Variants in PTPRN2 observed in about 807,000 individuals in gnomAD.
PTPRN2 encodes the protein protein tyrosine phosphatase receptor type N2.
PTPRN2 carries 74 observed loss-of-function variants against 118.8 expected under a neutral mutation model. The observed-to-expected ratio is 0.62, with a 90% CI of 0.52 to 0.76. PTPRN2 has a LOEUF of 0.76. Ranked by LOEUF, PTPRN2 falls within the 30% of genes least tolerant of loss-of-function variation. PTPRN2 has a pLI of 0.00. For missense variants in PTPRN2, 1,481 were observed against 1,394.4 expected, an observed-to-expected ratio of 1.06 and a Z score of -0.99; for synonymous variants, 641 against 608.0, an observed-to-expected ratio of 1.05 and a Z score of -0.80.
rs1353648116 is a variant in PTPRN2, at chr7:157,986,015, ATC to A, written c.1724-87280_1724-87279del. The stretch of plus-strand genomic sequence containing the variant: ...AATGCTTGGGGTTGAAATGTAACGA[ATC>A]TCTCACTACTGACAAGAGAAAGGCC... On this transcript the variant is annotated intron_variant, in intron 11 of 22. Transcript: ENST00000389418. The surrounding 1 kb of genome is among the most constrained non-coding windows in gnomAD (Gnocchi z 4.5). Among the ~76,000 whole-genome samples the A allele has an allele frequency of 8.5e-5, 13 of 152,226 alleles. 1 individual carries two copies. Among genetic ancestry groups the A allele is most frequent in the African/African-American group, 2.9e-4 (12 of 41,466 alleles).
Position 158,080,899 on chromosome 7 carries a change from A to G in PTPRN2, c.1723+399T>C, listed in dbSNP as rs182378773. On this transcript the variant is annotated intron_variant, in intron 11 of 22. Transcript: ENST00000389418. ...GTGTGTGCTCCTGGTCTGGTACAAA[A>G]TGAAAAACCTCAAAGCAAAATTGCA... Among the ~76,000 whole-genome samples, 1,212 of 152,276 alleles carry G rather than the reference A, an allele frequency of 8.0e-3. 42 individuals carry two copies. The highest frequency in any genetic ancestry group is 0.054 in the Admixed American group (832 of 15,300).
chr7:157,997,679 G>A (rs966191195), intron 11 of PTPRN2, among the ~76,000 whole-genome samples: 1 of 151,508 alleles, frequency 6.6e-6, no homozygotes, highest in Non-Finnish European at 1.5e-5. Flanking sequence ...GGAGGCCAGG[G>A]AGGGGCAGAG....
At chr7:158,578,128 C>T (rs1383729439) in intron 1 of PTPRN2, among the ~76,000 whole-genome samples, 2 of 152,198 alleles carry the variant, frequency 1.3e-5, no homozygotes, top group African/African-American at 2.4e-5. Flanking sequence ...TACTAAAAAA[C>T]GTGCTCTGAA....
In PTPRN2 at chr7:158,164,115, C is replaced by T. The variant is rs148860657; in HGVS notation, c.910+2816G>A. Among the ~76,000 whole-genome samples, 17 of 152,252 alleles carry T rather than the reference C, an allele frequency of 1.1e-4. No individual in the cohort carries two copies. In the East Asian group the frequency reaches 2.9e-3, roughly 26 times the overall value. On this transcript the variant is annotated intron_variant, in intron 6 of 22. Transcript: ENST00000389418. ...GAGAGTGGAGAGAGCACGGTCAGGACGCTTGTTCCGAAGATCCACACCCTG... is the reference window on the plus strand; with the variant it reads ...GAGAGTGGAGAGAGCACGGTCAGGATGCTTGTTCCGAAGATCCACACCCTG...
chr7:158,289,978 G>C (rs1481328159), intron 3 of PTPRN2, among the ~76,000 whole-genome samples: 2 of 152,182 alleles, frequency 1.3e-5, no homozygotes, highest in African/African-American at 4.8e-5. Flanking sequence ...TGGACCTGTT[G>C]ATTGAGTCTG....
chr7:158,394,401 G>A (rs984935976), intron 2 of PTPRN2, among the ~76,000 whole-genome samples: 2 of 152,228 alleles, frequency 1.3e-5, no homozygotes, highest in African/African-American at 4.8e-5. Context: ...AGGCACAGGT[G>A]TGTGCAGGGA....
intron 9 of PTPRN2, among the ~76,000 whole-genome samples, chr7:158,123,968 A>C (rs568633203): frequency 6.7e-6 from 1 of 148,884 alleles, no homozygotes; most frequent in African/African-American, 2.5e-5. Context: ...CTGGTTCTCT[A>C]ATCTGATTCA....
In PTPRN2 at chr7:158,193,284, T is replaced by C. The variant is rs1825926779; in HGVS notation, c.381-789A>G. 2.0e-5 allele frequency among the ~76,000 whole-genome samples: 3 copies of C among 152,114 alleles called. No individual in the cohort carries two copies. The South Asian group carries it at 6.2e-4, about 32-fold the overall frequency. On this transcript the variant is annotated intron_variant, in intron 4 of 22. Transcript: ENST00000389418. ...ATGGGACAGCTGCGTGCTGAAGGCA[T>C]AAATCCAGGAGGCAGCTGGACGTGT...
chr7:157,993,400 G>T (rs1369422351), intron 11 of PTPRN2, among the ~76,000 whole-genome samples: 1 of 151,908 alleles, frequency 6.6e-6, no homozygotes, highest in East Asian at 1.9e-4. Context: ...CCCGTACCTG[G>T]TCAGAGCCAG....
chr7:158,282,403 G>A (rs916010224), intron 3 of PTPRN2, among the ~76,000 whole-genome samples: 4 of 152,230 alleles, frequency 2.6e-5, no homozygotes, highest in Admixed American at 6.5e-5. Context: ...TAGAAGTACT[G>A]CGGGGCCATG....
intron 3 of PTPRN2, among the ~76,000 whole-genome samples, chr7:158,302,671 G>A (rs961365500): frequency 3.9e-5 from 6 of 152,208 alleles, no homozygotes; most frequent in African/African-American, 1.2e-4. Context: ...CGACTCACAC[G>A]TGCCGCAGCT....
chr7:158,521,297 G>A (rs533195682), intron 1 of PTPRN2, among the ~76,000 whole-genome samples: 2 of 152,176 alleles, frequency 1.3e-5, no homozygotes, highest in African/African-American at 2.4e-5. Flanking sequence ...CTAGACCAAC[G>A]CACAGGACTG....
rs1254416754 is a variant in PTPRN2, at chr7:157,831,640, C to T, written c.1788+67033G>A. On this transcript the variant is annotated intron_variant, in intron 12 of 22. Transcript: ENST00000389418. This position sits in a 1 kb window ranked among gnomAD's most constrained non-coding sequence, Gnocchi z 4.8. ...CTGTCAGAACGAGCAGGAAGACATCCAACCCTTATTGGGAGTCTACACAGG... is the reference window on the plus strand; with the variant it reads ...CTGTCAGAACGAGCAGGAAGACATCTAACCCTTATTGGGAGTCTACACAGG... 6.6e-6 allele frequency among the ~76,000 whole-genome samples: 1 copy of T among 152,022 alleles called. No individual in the cohort carries two copies. Among genetic ancestry groups the T allele is most frequent in the Non-Finnish European group, 1.5e-5 (1 of 68,006 alleles).
chr7:158,073,380 G>A (rs923682319), intron 11 of PTPRN2, among the ~76,000 whole-genome samples: 1 of 152,176 alleles, frequency 6.6e-6, no homozygotes, highest in African/African-American at 2.4e-5. Flanking sequence ...CCCGGGGGAG[G>A]GTGTGGGCCC....
At chr7:157,900,379 T>C (rs1797373712) in intron 11 of PTPRN2, among the ~76,000 whole-genome samples, 2 of 152,168 alleles carry the variant, frequency 1.3e-5, no homozygotes, top group South Asian at 2.1e-4. Flanking sequence ...TGCCAAGAGG[T>C]TGTCTGGCTC....
At position 157,583,871 on chromosome 7, in the gene PTPRN2, G is replaced by A. The variant is rs1016764633; in HGVS notation, c.2497-5731C>T. 2.0e-5 allele frequency among the ~76,000 whole-genome samples: 3 copies of A among 148,112 alleles called. No individual in the cohort carries two copies. In the East Asian group the frequency reaches 6.1e-4, roughly 30 times the overall value. On this transcript the variant is annotated intron_variant, in intron 17 of 22. Transcript: ENST00000389418. This position sits in a 1 kb window ranked among gnomAD's most constrained non-coding sequence, Gnocchi z 5.5. ...CACGCCAGCCTGGGTGACAGAGCGA[G>A]ACTCTGTCTCAAACACACACACACA...
At chr7:157,884,993 G>A (rs1796369583) in intron 12 of PTPRN2, among the ~76,000 whole-genome samples, 1 of 152,182 alleles carries the variant, frequency 6.6e-6, no homozygotes, top group Admixed American at 6.5e-5. Context: ...GATGCAGGAG[G>A]TGCACATGTG....
In PTPRN2 at chr7:158,554,511, C is replaced by G. The variant is rs1321236899; in HGVS notation, c.112+33047G>C. Among the ~76,000 whole-genome samples, 4 of 152,290 alleles carry G rather than the reference C, an allele frequency of 2.6e-5. No homozygotes were observed. In the East Asian group the frequency reaches 5.8e-4, roughly 22 times the overall value. Reference sequence around the variant, plus strand: ...ATTGCTTTATCTGTGTTCTCTCTCTCTCTCTCTCCCATTATTTATTTTCTG... The same window carrying G: ...ATTGCTTTATCTGTGTTCTCTCTCTGTCTCTCTCCCATTATTTATTTTCTG... On this transcript the variant is annotated intron_variant, in intron 1 of 22. Coordinates refer to ENST00000389418, the MANE Select transcript of PTPRN2 (RefSeq NM_002847.5).
At chr7:158,048,797 C>T (rs1163893319) in intron 11 of PTPRN2, among the ~76,000 whole-genome samples, 3 of 91,364 alleles carry the variant, frequency 3.3e-5, no homozygotes, top group South Asian at 4.0e-4. Context: ...CCACCACTAC[C>T]ATCACCACCA....
Sources: gnomAD v4.1 joint callset for allele counts (sites outside exome capture counted in the v4.1 genomes callset) on GRCh38, gnomAD v4.1.1 for gene constraint, Gnocchi (gnomAD v3.1) non-coding constraint, MANE v1.5 for transcripts, NCBI Gene and HGNC (gene_info 2026-07-23, HGNC 2026-07-21) for gene names.